The following PDGFRL variants were observed in gnomAD, a reference collection of about 807,000 sequenced individuals.
The protein encoded by PDGFRL is platelet derived growth factor receptor like, also known as platelet-derived growth factor receptor-like protein.
Under a neutral mutation model 37.2 loss-of-function variants are expected in PDGFRL, and 46 were observed. That is an observed-to-expected ratio of 1.24 (90% confidence interval 0.98 to 1.58). PDGFRL has a LOEUF of 1.58. Among genes scored for constraint, PDGFRL ranks in the 40% most tolerant of loss-of-function variants. The probability of loss-of-function intolerance (pLI) is 0.00; values close to 1 mark genes in which losing one functional copy is unlikely to be tolerated. For missense variants in PDGFRL, 692 were observed against 467.6 expected (o/e 1.48, Z -4.43); for synonymous variants, 251 against 184.3 (o/e 1.36, Z -2.93).
Position 17,620,443 on chromosome 8 carries a change from A to C in PDGFRL, c.354-608A>C, listed in dbSNP as rs1229936501. On this transcript the variant is annotated intron_variant, in intron 2 of 5. Coordinates refer to ENST00000251630, the MANE Select transcript of PDGFRL (RefSeq NM_001372073.1). Reference sequence around the variant, plus strand: ...ATGGAGAAAAAGATACAGGGTGGCCATTTACCTCCTCCCCTCCTGCACACA... The same window carrying C: ...ATGGAGAAAAAGATACAGGGTGGCCCTTTACCTCCTCCCCTCCTGCACACA... Among the ~76,000 whole-genome samples the C allele has an allele frequency of 2.0e-5, 3 of 152,146 alleles. No homozygotes were observed. The East Asian group carries it at 5.8e-4, about 29-fold the overall frequency.
intron 1 of PDGFRL, 88 bp downstream of exon 1, chr8:17,577,395 G>C (rs1015289225): frequency 8.6e-7 from 1 of 1,163,800 alleles, no homozygotes; most frequent in Middle Eastern, 2.3e-4. Flanking sequence ...GCCAGCTCTT[G>C]GTCTAACGTT....
chr8:17,614,404 C>T (rs564552348), intron 2 of PDGFRL, among the ~76,000 whole-genome samples: 9 of 152,224 alleles, frequency 5.9e-5, no homozygotes, highest in South Asian at 4.1e-4. Context: ...TTCTCTGACA[C>T]GTTCTGAGAC....
intron 3 of PDGFRL, among the ~76,000 whole-genome samples, chr8:17,625,998 A>G (rs1804725928): frequency 6.6e-6 from 1 of 152,232 alleles, no homozygotes; most frequent in Admixed American, 6.5e-5. Flanking sequence ...CTGTCTCAAA[A>G]AATAAAAATA....
At chr8:17,641,474 C>A (rs942813161) in intron 5 of PDGFRL, among the ~76,000 whole-genome samples, 2 of 152,184 alleles carry the variant, frequency 1.3e-5, no homozygotes, top group African/African-American at 2.4e-5. Flanking sequence ...TCTGCTGCTC[C>A]TTTCTATTCC....
intron 1 of PDGFRL, among the ~76,000 whole-genome samples, chr8:17,582,407 C>T (rs1223537041): frequency 6.6e-6 from 1 of 151,964 alleles, no homozygotes; most frequent in Non-Finnish European, 1.5e-5. Context: ...CATGGTGAAA[C>T]CCTGTCTCTA....
At position 17,591,008 on chromosome 8, in the gene PDGFRL, A is replaced by G. The variant is rs539567882; in HGVS notation, c.353+1243A>G. ...CACCATTCTCCTGCCTCAGCCTCCC[A>G]AGTAGCTGGGACTACAGGTGCCTGC... On this transcript the variant is annotated intron_variant, in intron 2 of 5. Coordinates refer to ENST00000251630, the MANE Select transcript of PDGFRL (RefSeq NM_001372073.1). Among the ~76,000 whole-genome samples, 3 of 151,348 alleles carry G rather than the reference A, an allele frequency of 2.0e-5. No individual in the cohort carries two copies. The South Asian group carries it at 6.3e-4, about 32-fold the overall frequency.
intron 1 of PDGFRL, 23 bp downstream of exon 1, chr8:17,577,330 C>T (rs777973412): frequency 1.3e-6 from 2 of 1,599,572 alleles, no homozygotes; most frequent in Non-Finnish European, 1.7e-6. Context: ...GGGCGCGGGG[C>T]CACCTAGCTT....
intron 2 of PDGFRL, among the ~76,000 whole-genome samples, chr8:17,614,021 T>A (rs1323594727): frequency 6.6e-6 from 1 of 152,194 alleles, no homozygotes; most frequent in Non-Finnish European, 1.5e-5. Context: ...GTTCCTTGGA[T>A]AGTATGCAAA....
chr8:17,606,133 C>T (rs1159982629), intron 2 of PDGFRL, among the ~76,000 whole-genome samples: 1 of 152,128 alleles, frequency 6.6e-6, no homozygotes, highest in African/African-American at 2.4e-5. Context: ...TCTGCACAGA[C>T]TTTGGTAAAT....
chr8:17,576,991 T>A (rs1447467536), upstream of PDGFRL: 3 of 543,956 alleles, frequency 5.5e-6, no homozygotes, highest in African/African-American at 5.8e-5. Flanking sequence ...AATGTACATT[T>A]CACGCTTAGC....
At chr8:17,583,944 T>G (rs1428076917) in intron 1 of PDGFRL, among the ~76,000 whole-genome samples, 1 of 152,166 alleles carries the variant, frequency 6.6e-6, no homozygotes, top group Non-Finnish European at 1.5e-5. Flanking sequence ...TAAACCTCTT[T>G]CCTGCATAAA....
intron 1 of PDGFRL, among the ~76,000 whole-genome samples, chr8:17,582,011 A>G (rs1019476486): frequency 6.6e-6 from 1 of 152,146 alleles, no homozygotes; most frequent in African/African-American, 2.4e-5. Context: ...GAGGAGGGAA[A>G]GTTTGGAATT....
intron 2 of PDGFRL, among the ~76,000 whole-genome samples, chr8:17,595,828 C>T (rs1381138056): frequency 1.3e-5 from 2 of 152,164 alleles, no homozygotes; most frequent in East Asian, 1.9e-4. Flanking sequence ...GCAGCCTGCC[C>T]TTCGAGGCTG....
chr8:17,628,471 T>C lies in PDGFRL; in HGVS notation c.506-16T>C, dbSNP rs1011904515. The stretch of plus-strand genomic sequence containing the variant: ...TCTCCGGAGTGAATAAGCCTGTGTC[T>C]TCCTTCCCTTTGCAGAGAAAGGAGA... On this transcript the variant is annotated splice_polypyrimidine_tract_variant and intron_variant, in intron 3 of 5. Transcript: ENST00000251630. 3 of 1,609,076 alleles carry C rather than the reference T, an allele frequency of 1.9e-6. No individual in the cohort carries two copies. Among genetic ancestry groups the C allele is most frequent in the Non-Finnish European group, 2.6e-6 (3 of 1,175,428 alleles).
chr8:17,597,702 C>T (rs1439183029), intron 2 of PDGFRL, among the ~76,000 whole-genome samples: 1 of 152,018 alleles, frequency 6.6e-6, no homozygotes, highest in African/African-American at 2.4e-5. Context: ...AATTTGGCAT[C>T]TCTCTAGGAT....
intron 4 of PDGFRL, among the ~76,000 whole-genome samples, chr8:17,633,444 T>C (rs1804902286): frequency 6.6e-6 from 1 of 151,974 alleles, no homozygotes; most frequent in Non-Finnish European, 1.5e-5. Flanking sequence ...AGGAGAATGG[T>C]GTGAACCCGG....
At chr8:17,602,920 TCA>T (rs1254646972) in intron 2 of PDGFRL, among the ~76,000 whole-genome samples, 1 of 152,256 alleles carries the variant, frequency 6.6e-6, no homozygotes, top group Non-Finnish European at 1.5e-5. Context: ...TACGTAGTGG[TCA>T]CAGTTTCAAG....
intron 4 of PDGFRL, among the ~76,000 whole-genome samples, chr8:17,629,085 C>CTTT (rs397892660): frequency 9.8e-5 from 12 of 122,898 alleles, no homozygotes; most frequent in East Asian, 2.4e-4. Flanking sequence ...GCCCTGCTAA[C>CTTT]TTTTTTTTTT....
At chr8:17,595,184 C>T (rs1804025873) in intron 2 of PDGFRL, among the ~76,000 whole-genome samples, 2 of 152,168 alleles carry the variant, frequency 1.3e-5, no homozygotes, top group Non-Finnish European at 2.9e-5. Context: ...TAAGGGACTG[C>T]AGCCACCTCC....
Sources: gnomAD v4.1 joint callset for allele counts (sites outside exome capture counted in the v4.1 genomes callset) on GRCh38, gnomAD v4.1.1 for gene constraint, MANE v1.5 for transcripts, NCBI Gene and HGNC (gene_info 2026-07-23, HGNC 2026-07-21) for gene names.